The following DNAH14 variants were observed in gnomAD, a reference collection of about 807,000 sequenced individuals.
The protein encoded by DNAH14 is dynein axonemal heavy chain 14, also known as axonemal beta dynein heavy chain 14.
In DNAH14, 478 loss-of-function variants were observed where a neutral mutation model predicts 520.9. The observed-to-expected ratio is 0.92, with a 90% CI of 0.85 to 0.99. DNAH14 has a LOEUF of 0.99. Ranked by LOEUF, DNAH14 falls within the 50% of genes least tolerant of loss-of-function variation. The pLI is 0.00. For synonymous variants in DNAH14, 1,581 were observed against 1,757.2 expected, an observed-to-expected ratio of 0.90 and a Z score of 2.51; for missense variants, 4,831 against 5,234.5, an observed-to-expected ratio of 0.92 and a Z score of 2.38.
chr1:225,195,503 T>TGAG (rs34732431), intron 38 of DNAH14, among the ~76,000 whole-genome samples: 23,298 of 150,954 alleles, frequency 0.15, 2,095 homozygotes, highest in East Asian at 0.36. Context: ...GGGGCTTACT[T>TGAG]GGTGGAGGAT....
chr1:225,267,233 C>T (rs1639678574), intron 49 of DNAH14, among the ~76,000 whole-genome samples: 1 of 151,466 alleles, frequency 6.6e-6, no homozygotes, highest in Non-Finnish European at 1.5e-5. Context: ...AAAAAATTCC[C>T]AAGGTGGTAT....
chr1:224,945,917 G>T (rs374244237), intron 1 of DNAH14, among the ~76,000 whole-genome samples: 1 of 152,292 alleles, frequency 6.6e-6, no homozygotes, highest in Admixed American at 6.5e-5. Context: ...CTGCCTCCCA[G>T]TTAGGCTACT....
rs150771717 is a variant in DNAH14, at chr1:225,219,709, A to C, written c.6440-11364A>C. 2.6e-5 allele frequency among the ~76,000 whole-genome samples: 4 copies of C among 152,336 alleles called. No homozygotes were observed. The East Asian group carries it at 7.7e-4, about 29-fold the overall frequency. On this transcript the variant is annotated intron_variant, in intron 41 of 85. Coordinates refer to ENST00000682510, the MANE Select transcript of DNAH14 (RefSeq NM_001367479.1). ...AAAGCCCAGGACCAGACAGATTAAC[A>C]TCTGAATTCTACCAGAGGTACAAAG...
chr1:225,155,984 G>T (rs942399264), intron 34 of DNAH14, among the ~76,000 whole-genome samples: 1 of 152,046 alleles, frequency 6.6e-6, no homozygotes, highest in South Asian at 2.1e-4. Flanking sequence ...TTTGACCTTC[G>T]TGACACCAAA....
chr1:225,308,361 A>G lies in DNAH14; in HGVS notation c.9191A>G (p.Asp3064Gly). The stretch of plus-strand genomic sequence containing the variant: ...AAAGTTCAGATGCTTGTTAAACAGG[A>G]TGAAGAAATTGTGGCAGAAGAAGTA... ...VEKVQMLVKQ[D>G]EEIVAEEVRI... is the part of the protein sequence containing the mutation. The change falls in exon 60 of 86, where the codon GAT becomes GGT. Residue 3064 changes from aspartate to glycine, a missense_variant. Transcript: ENST00000682510. 6.5e-7 allele frequency: 1 copy of G among 1,543,094 alleles called. No individual in the cohort carries two copies. Among genetic ancestry groups the G allele is most frequent in the South Asian group, 1.2e-5 (1 of 81,076 alleles).
At chr1:225,036,917 A>C (rs985115995) in intron 11 of DNAH14, among the ~76,000 whole-genome samples, 8 of 152,058 alleles carry the variant, frequency 5.3e-5, no homozygotes, top group African/African-American at 1.4e-4. Context: ...TGTTGGGTAC[A>C]TGTATATTTA....
At chr1:225,366,176 G>A (rs1305470362) in intron 76 of DNAH14, among the ~76,000 whole-genome samples, 1 of 152,178 alleles carries the variant, frequency 6.6e-6, no homozygotes, top group African/African-American at 2.4e-5. Flanking sequence ...TATAGTTAGT[G>A]CTATTAAGGA....
At chr1:225,319,783 T>C (rs531131521) in intron 61 of DNAH14, among the ~76,000 whole-genome samples, 37 of 152,226 alleles carry the variant, frequency 2.4e-4, no homozygotes, top group Admixed American at 2.0e-3. Flanking sequence ...TGAGGTGACA[T>C]TGGAGCAGAG....
intron 54 of DNAH14, among the ~76,000 whole-genome samples, chr1:225,279,979 A>G (rs1224145514): frequency 1.3e-5 from 2 of 151,450 alleles, no homozygotes; most frequent in Non-Finnish European, 2.9e-5. Context: ...GAGAATACCA[A>G]TAAAGGGATA....
chr1:225,357,307 C>G (rs923758026), intron 73 of DNAH14, among the ~76,000 whole-genome samples: 7 of 150,490 alleles, frequency 4.7e-5, no homozygotes, highest in African/African-American at 1.5e-4. Flanking sequence ...CCCTTTCTCT[C>G]CTACCTCTAA....
rs1281379170 is a variant in DNAH14 at position 225,265,162 on chromosome 1, T to C, written c.7223-20T>C. On this transcript the variant is annotated intron_variant, in intron 47 of 85. Transcript: ENST00000682510. ...AAAGTGTCCTAAATTTGTTTTTTCT[T>C]TCTATGTTTGGCATCACAGATAATC... 1 of 1,422,860 alleles carries C rather than the reference T, an allele frequency of 7.0e-7. No homozygotes were observed. The highest frequency in any genetic ancestry group is 9.2e-7 in the Non-Finnish European group (1 of 1,091,704). 88.1% of individuals were successfully genotyped at this position (1,422,860 alleles called of 1,614,324 possible).
At chr1:225,023,336 T>C (rs893073526) in intron 10 of DNAH14, among the ~76,000 whole-genome samples, 2 of 151,596 alleles carry the variant, frequency 1.3e-5, no homozygotes, top group African/African-American at 2.4e-5. Context: ...AGATCTACTA[T>C]TATTTGTTTT....
At chr1:225,190,744 C>A (rs1195688347) in intron 37 of DNAH14, among the ~76,000 whole-genome samples, 1 of 151,976 alleles carries the variant, frequency 6.6e-6, no homozygotes. Context: ...AGTGAGAAGG[C>A]AGTTATCAGC....
At chr1:225,116,502 G>A (rs1412122381) in intron 23 of DNAH14, among the ~76,000 whole-genome samples, 14 of 152,152 alleles carry the variant, frequency 9.2e-5, no homozygotes, top group South Asian at 2.1e-4. Context: ...GCCTAGATAC[G>A]TTTGGTTCAT....
chr1:225,304,893 A>G lies in DNAH14; in HGVS notation c.8824-15A>G. 6.7e-7 allele frequency: 1 copy of G among 1,498,144 alleles called. No individual in the cohort carries two copies. Among genetic ancestry groups the G allele is most frequent in the Non-Finnish European group, 8.8e-7 (1 of 1,130,244 alleles). The allele number at this position is 1,498,144 out of a possible 1,614,324, so 92.8% of individuals were successfully genotyped here. A position where few individuals can be genotyped will look rare whatever the true frequency, so the allele number is the denominator to read the frequency against. ...GATTGCTTTCTCTTAATTCTTAAAA[A>G]TTATTATTCTTCAGAACTTGAAAGA... On this transcript the variant is annotated splice_polypyrimidine_tract_variant and intron_variant, in intron 57 of 85. Transcript: ENST00000682510.
intron 55 of DNAH14, among the ~76,000 whole-genome samples, chr1:225,297,369 G>A (rs2094032833): frequency 6.6e-6 from 1 of 151,598 alleles, no homozygotes; most frequent in Non-Finnish European, 1.5e-5. Context: ...GTATATTTCT[G>A]TATGATTGCA....
In DNAH14 at chr1:225,050,375, T is replaced by C. The variant is rs2068423815; in HGVS notation, c.2078T>C (p.Ile693Thr). ...GAAACAGATCCTGCCTACCAAAATA[T>C]AGTAAGTTTTAAAACAGTTCATTTT... ...LFETDPAYQN[I>T]IVNLLTIIGN... is the part of the protein sequence containing the mutation. Residue 693 changes from isoleucine to threonine, a missense_variant and splice_region_variant, in exon 16 of 86, where the codon ATA becomes ACA. Ile to Thr is a moderately conservative substitution (Grantham distance 89). Coordinates refer to ENST00000682510, the MANE Select transcript of DNAH14 (RefSeq NM_001367479.1). 5 of 1,540,592 alleles carry C rather than the reference T, an allele frequency of 3.2e-6. No individual in the cohort carries two copies. The highest frequency in any genetic ancestry group is 4.9e-5 in the East Asian group (2 of 40,664).
chr1:225,102,732 G>A (rs988622536), intron 23 of DNAH14, among the ~76,000 whole-genome samples: 2 of 152,068 alleles, frequency 1.3e-5, no homozygotes, highest in African/African-American at 4.8e-5. Context: ...CTTTTTGATG[G>A]GGTTGTTTGT....
chr1:225,326,118 C>T (rs1435520036), intron 64 of DNAH14, among the ~76,000 whole-genome samples: 1 of 152,098 alleles, frequency 6.6e-6, no homozygotes, highest in Non-Finnish European at 1.5e-5. Flanking sequence ...TTACTGTGTT[C>T]CAAGCACAGT....
Sources: gnomAD v4.1 joint callset for allele counts (sites outside exome capture counted in the v4.1 genomes callset) on GRCh38, gnomAD v4.1.1 for gene constraint, MANE v1.5 for transcripts, NCBI Gene and HGNC (gene_info 2026-07-23, HGNC 2026-07-21) for gene names.